GALNTL6: variants seen among roughly 807,000 people sequenced by gnomAD.
The protein encoded by GALNTL6 is polypeptide N-acetylgalactosaminyltransferase-like 6.
In GALNTL6, 46 loss-of-function variants were observed where a neutral mutation model predicts 73.7. The ratio of observed to expected loss-of-function variants is 0.62; its 90% CI spans 0.49 to 0.80. The LOEUF is 0.80. Ranked by LOEUF, GALNTL6 falls within the 30% of genes least tolerant of loss-of-function variation. The probability of loss-of-function intolerance (pLI) is 0.00; values close to 1 mark genes in which losing one functional copy is unlikely to be tolerated. For synonymous variants in GALNTL6, 259 were observed against 263.7 expected (o/e 0.98, Z 0.17); for missense variants, 604 against 755.0 (o/e 0.80, Z 2.34).
In GALNTL6 at chr4:171,989,033, TA is replaced by T. The variant is rs777168844; in HGVS notation, c.138+174320del. ...AGGGAACTGGGCAGGTGGGGATAAC[TA>T]AAAAGGAGTGCTTAAAAGAGTATTG... On this transcript the variant is annotated intron_variant, in intron 2 of 12. Transcript: ENST00000506823. Among the ~76,000 whole-genome samples the T allele has an allele frequency of 6.1e-3, 930 of 151,628 alleles. 6 individuals are homozygous for T. Among genetic ancestry groups the T allele is most frequent in the African/African-American group, 0.018 (765 of 41,358 alleles).
At chr4:172,778,977 T>A (rs568039703) in intron 5 of GALNTL6, among the ~76,000 whole-genome samples, 1 of 149,406 alleles carries the variant, frequency 6.7e-6, no homozygotes, top group Non-Finnish European at 1.5e-5. Flanking sequence ...CCCCCTTCAC[T>A]CTCTCTCTCT....
chr4:172,375,531 G>A (rs566679974), intron 5 of GALNTL6, among the ~76,000 whole-genome samples: 2 of 152,272 alleles, frequency 1.3e-5, no homozygotes, highest in African/African-American at 4.8e-5. Context: ...ACCCACAACA[G>A]TCCCTGGACC....
chr4:172,606,063 T>A (rs931697664), intron 5 of GALNTL6, among the ~76,000 whole-genome samples: 2 of 152,106 alleles, frequency 1.3e-5, no homozygotes, highest in Non-Finnish European at 2.9e-5. Context: ...CAGGTTCCCT[T>A]ATCTGCCTTC....
intron 7 of GALNTL6, among the ~76,000 whole-genome samples, chr4:172,847,710 G>C (rs1282325600): frequency 1.3e-5 from 2 of 152,154 alleles, no homozygotes; most frequent in Non-Finnish European, 2.9e-5. Flanking sequence ...TAAGTTTTCA[G>C]TCTAACAAAG....
chr4:171,933,756 T>C (rs1738259057), intron 2 of GALNTL6, among the ~76,000 whole-genome samples: 3 of 152,152 alleles, frequency 2.0e-5, no homozygotes, highest in South Asian at 2.1e-4. Context: ...GGTTAACTAG[T>C]AGCAGTCACA....
chr4:171,926,061 GC>G (rs1446246248), intron 2 of GALNTL6, among the ~76,000 whole-genome samples: 2 of 151,930 alleles, frequency 1.3e-5, no homozygotes, highest in Non-Finnish European at 2.9e-5. Context: ...TTAACCCTAT[GC>G]CTTATATACT....
intron 5 of GALNTL6, among the ~76,000 whole-genome samples, chr4:172,616,559 T>C (rs1211879572): frequency 6.6e-6 from 1 of 151,670 alleles, no homozygotes; most frequent in Non-Finnish European, 1.5e-5. Flanking sequence ...TGCAAAGTTT[T>C]TTTTTCCTGT....
intron 5 of GALNTL6, among the ~76,000 whole-genome samples, chr4:172,423,750 G>A (rs1213514218): frequency 6.6e-6 from 1 of 151,936 alleles, no homozygotes; most frequent in Non-Finnish European, 1.5e-5. Flanking sequence ...ATTCACTCAT[G>A]TATACTAAAT....
chr4:171,836,680 T>C (rs935995207), intron 2 of GALNTL6, among the ~76,000 whole-genome samples: 7 of 152,176 alleles, frequency 4.6e-5, no homozygotes, highest in Non-Finnish European at 1.0e-4. Context: ...TGTTTCATGT[T>C]AACACATTCA....
chr4:172,148,603 A>G (rs1348648411), intron 2 of GALNTL6, among the ~76,000 whole-genome samples: 1 of 152,194 alleles, frequency 6.6e-6, no homozygotes, highest in East Asian at 1.9e-4. Flanking sequence ...TGTTTCTTTT[A>G]CAAATTTCCT....
At chr4:171,887,318 G>A (rs1022641591) in intron 2 of GALNTL6, among the ~76,000 whole-genome samples, 7 of 152,144 alleles carry the variant, frequency 4.6e-5, no homozygotes, top group African/African-American at 1.7e-4. Flanking sequence ...GTTGGGATAC[G>A]ATCATAAAGG....
chr4:172,115,372 T>A (rs1024776573), intron 2 of GALNTL6, among the ~76,000 whole-genome samples: 2 of 152,146 alleles, frequency 1.3e-5, no homozygotes, highest in African/African-American at 4.8e-5. Flanking sequence ...TTTTGAGAAA[T>A]TGTTTTAAGT....
chr4:172,283,996 C>T (rs1739161499), intron 3 of GALNTL6, among the ~76,000 whole-genome samples: 1 of 151,958 alleles, frequency 6.6e-6, no homozygotes, highest in Non-Finnish European at 1.5e-5. Context: ...CTTACCAGCC[C>T]CTTTTTCTTG....
intron 5 of GALNTL6, among the ~76,000 whole-genome samples, chr4:172,616,942 A>T (rs1439500612): frequency 6.6e-6 from 1 of 152,166 alleles, no homozygotes; most frequent in African/African-American, 2.4e-5. Flanking sequence ...CTAGAATTTC[A>T]GTGGAGGGAC....
intron 7 of GALNTL6, among the ~76,000 whole-genome samples, chr4:172,847,306 T>A (rs577155917): frequency 6.6e-6 from 1 of 152,240 alleles, no homozygotes; most frequent in East Asian, 1.9e-4. Context: ...CCTTTATTAC[T>A]CCTCTTTGGA....
intron 3 of GALNTL6, among the ~76,000 whole-genome samples, chr4:172,242,237 T>C (rs10030414): frequency 0.014 from 2,183 of 152,188 alleles, 57 homozygotes; most frequent in African/African-American, 0.05. Flanking sequence ...TCTAAATATA[T>C]GATCTTTCCT....
chr4:172,588,489 G>C (rs1179447728), intron 5 of GALNTL6, among the ~76,000 whole-genome samples: 1 of 150,160 alleles, frequency 6.7e-6, no homozygotes, highest in Non-Finnish European at 1.5e-5. Flanking sequence ...AGCTACTTGG[G>C]AGTCTAAGGT....
intron 7 of GALNTL6, among the ~76,000 whole-genome samples, chr4:172,850,684 C>T (rs1368725203): frequency 1.3e-5 from 2 of 152,220 alleles, no homozygotes; most frequent in South Asian, 2.1e-4. Flanking sequence ...CTTCAGACAC[C>T]AATCACAAGT....
intron 5 of GALNTL6, among the ~76,000 whole-genome samples, chr4:172,539,724 C>T (rs1225978637): frequency 1.3e-5 from 2 of 151,790 alleles, no homozygotes; most frequent in African/African-American, 2.4e-5. Flanking sequence ...GCTAGTTGAA[C>T]TGGCTTGTCA....
Sources: gnomAD v4.1 joint callset for allele counts (sites outside exome capture counted in the v4.1 genomes callset) on GRCh38, gnomAD v4.1.1 for gene constraint, MANE v1.5 for transcripts, NCBI Gene and HGNC (gene_info 2026-07-23, HGNC 2026-07-21) for gene names.